CSMD1: variants seen among roughly 807,000 people sequenced by gnomAD.
CSMD1 encodes the protein CUB and sushi domain-containing protein 1.
In CSMD1, 213 loss-of-function variants were observed where a neutral mutation model predicts 417.5. The observed-to-expected ratio is 0.51, with a 90% confidence interval of 0.46 to 0.57. The LOEUF (loss-of-function observed/expected upper bound fraction) is 0.57. CSMD1 is among the 20% of genes least tolerant of loss of function. CSMD1 has a pLI of 0.00. For missense variants in CSMD1, 6,923 were observed against 4,529.7 expected (o/e 1.53, Z -15.17); for synonymous variants, 2,862 against 1,736.8 (o/e 1.65, Z -16.11).
intron 15 of CSMD1, among the ~76,000 whole-genome samples, chr8:3,405,811 A>C (rs1181769816): frequency 1.3e-5 from 2 of 152,188 alleles, no homozygotes; most frequent in African/African-American, 4.8e-5. Context: ...CCTCCCTCAG[A>C]GTTCCAGAAG....
chr8:3,179,817 T>A (rs1001902544), intron 37 of CSMD1, among the ~76,000 whole-genome samples: 1 of 152,200 alleles, frequency 6.6e-6, no homozygotes, highest in Admixed American at 6.5e-5. Flanking sequence ...ATAAGTAACA[T>A]CCACAGTATC....
intron 3 of CSMD1, among the ~76,000 whole-genome samples, chr8:4,162,675 G>A (rs375989706): frequency 6.6e-6 from 1 of 152,048 alleles, no homozygotes; most frequent in African/African-American, 2.4e-5. Context: ...CCCATACACA[G>A]AGCCTCCCCA....
intron 1 of CSMD1, among the ~76,000 whole-genome samples, chr8:4,880,773 A>G (rs929043019): frequency 6.6e-5 from 10 of 151,928 alleles, no homozygotes; most frequent in African/African-American, 2.4e-4. Context: ...CAATATACTC[A>G]TTTCTTTGTG....
intron 1 of CSMD1, among the ~76,000 whole-genome samples, chr8:4,691,163 A>C (rs547433432): frequency 1.3e-5 from 2 of 152,362 alleles, no homozygotes; most frequent in Non-Finnish European, 2.9e-5. Flanking sequence ...GAAGTGAAGG[A>C]ATCAAAGAAT....
chr8:3,412,299 T>C (rs1279995850), intron 12 of CSMD1, among the ~76,000 whole-genome samples: 4 of 151,934 alleles, frequency 2.6e-5, no homozygotes, highest in Non-Finnish European at 1.5e-5. Context: ...GCTATAAATA[T>C]GTGTGTGCAA....
intron 2 of CSMD1, among the ~76,000 whole-genome samples, chr8:4,485,248 C>G (rs947833775): frequency 6.6e-6 from 1 of 152,164 alleles, no homozygotes; most frequent in African/African-American, 2.4e-5. Context: ...AGATGAAGCA[C>G]CATCATGTTC....
Position 3,223,721 on chromosome 8 carries a change from G to C in CSMD1, c.4484+8C>G, listed in dbSNP as rs1386880344. ...TACTAAAAAGAGGTATTCTGCAAGA[G>C]ACGGTACCTTTTGAATATCAAGGCG... is the stretch of plus-strand genomic sequence containing the variant. On this transcript the variant is annotated splice_region_variant and intron_variant, in intron 28 of 69. Coordinates refer to ENST00000635120, the MANE Select transcript of CSMD1 (RefSeq NM_033225.6). 1.2e-6 allele frequency: 2 copies of C among 1,613,774 alleles called. No individual in the cohort carries two copies. The highest frequency in any genetic ancestry group is 1.7e-5 in the Admixed American group (1 of 60,018).
At chr8:3,838,256 C>G (rs1171314771) in intron 5 of CSMD1, among the ~76,000 whole-genome samples, 1 of 151,998 alleles carries the variant, frequency 6.6e-6, no homozygotes, top group Non-Finnish European at 1.5e-5. Context: ...ATTCACAAGT[C>G]TGGGCATAAT....
rs908188017 is a variant in CSMD1 at position 4,169,254 on chromosome 8, G to A, written c.416-137155C>T. ...AGTGTTCTCAATACTGCACACAGAT[G>A]TCTGATGGGTGCCTCAATCTTCCTG... On this transcript the variant is annotated intron_variant, in intron 3 of 69. Coordinates refer to ENST00000635120, the MANE Select transcript of CSMD1 (RefSeq NM_033225.6). Among the ~76,000 whole-genome samples the A allele has an allele frequency of 3.3e-5, 5 of 152,102 alleles. 1 individual carries two copies. The highest frequency in any genetic ancestry group is 3.3e-4 in the Admixed American group (5 of 15,280).
chr8:4,946,019 T>C (rs1423308183), intron 1 of CSMD1, among the ~76,000 whole-genome samples: 2 of 152,168 alleles, frequency 1.3e-5, no homozygotes, highest in Non-Finnish European at 2.9e-5. Context: ...AGTGGGCTCT[T>C]GTGAACATCA....
At chr8:4,504,984 T>A (rs1332375594) in intron 2 of CSMD1, among the ~76,000 whole-genome samples, 1 of 152,206 alleles carries the variant, frequency 6.6e-6, no homozygotes, top group Non-Finnish European at 1.5e-5. Flanking sequence ...TTATAATCCT[T>A]TGGGTATATA....
intron 3 of CSMD1, among the ~76,000 whole-genome samples, chr8:4,324,259 G>A (rs1566860): frequency 0.87 from 132,789 of 152,250 alleles, 58,166 homozygotes; most frequent in East Asian, 0.99. Flanking sequence ...TGTGAGTTCT[G>A]AGACCTTTTC....
chr8:4,821,914 T>TG (rs1267512699), intron 1 of CSMD1, among the ~76,000 whole-genome samples: 28 of 152,256 alleles, frequency 1.8e-4, no homozygotes, highest in African/African-American at 6.3e-4. Context: ...TCACATTTGC[T>TG]TGCCTGCTTC....
intron 37 of CSMD1, among the ~76,000 whole-genome samples, chr8:3,178,959 T>C (rs1821114344): frequency 6.6e-6 from 1 of 150,542 alleles, no homozygotes. Flanking sequence ...TTTTTTTTTT[T>C]TTTTTTGAGA....
At chr8:3,176,685 T>C (rs1303476960) in intron 37 of CSMD1, among the ~76,000 whole-genome samples, 1 of 152,144 alleles carries the variant, frequency 6.6e-6, no homozygotes, top group Non-Finnish European at 1.5e-5. Flanking sequence ...AATACTGAAG[T>C]ATAAAATGAT....
intron 52 of CSMD1, among the ~76,000 whole-genome samples, chr8:3,009,103 A>G (rs1280493065): frequency 6.6e-6 from 1 of 152,190 alleles, no homozygotes; most frequent in Non-Finnish European, 1.5e-5. Context: ...GGAGCCGTGC[A>G]TTCTTTGGGG....
chr8:3,976,649 G>T (rs1475083171), intron 5 of CSMD1, among the ~76,000 whole-genome samples: 1 of 152,136 alleles, frequency 6.6e-6, no homozygotes, highest in African/African-American at 2.4e-5. Context: ...CCTGATCAAT[G>T]TGACTGACAG....
intron 5 of CSMD1, among the ~76,000 whole-genome samples, chr8:3,862,454 G>C (rs6558826): frequency 1.3e-5 from 2 of 151,846 alleles, no homozygotes; most frequent in Non-Finnish European, 2.9e-5. Flanking sequence ...GTTCCTTCTC[G>C]TAATTCAAAT....
chr8:3,679,997 G>C (rs916131101), intron 7 of CSMD1, among the ~76,000 whole-genome samples: 2 of 152,020 alleles, frequency 1.3e-5, no homozygotes, highest in South Asian at 2.1e-4. Flanking sequence ...CGAGAACAAA[G>C]ACACAACATG....
Sources: allele counts gnomAD v4.1 joint callset (sites outside exome capture counted in the v4.1 genomes callset), GRCh38; gene constraint gnomAD v4.1.1; transcripts MANE v1.5; gene names NCBI Gene and HGNC (gene_info 2026-07-23, HGNC 2026-07-21).